Variants in SLF1 observed in about 807,000 individuals in gnomAD.
SLF1 encodes the protein SMC5/6 complex localization factor 1, also known as SMC5-SMC6 complex localization factor protein 1.
SLF1 carries 105 observed loss-of-function variants against 123.0 expected under a neutral mutation model. The ratio of observed to expected loss-of-function variants is 0.85; its 90% CI spans 0.73 to 1.00. The LOEUF (loss-of-function observed/expected upper bound fraction) is 1.00, where lower values mean the gene tolerates loss of function less well. Ranked by LOEUF, SLF1 falls within the 50% of genes least tolerant of loss-of-function variation. The probability of loss-of-function intolerance (pLI) is 0.00; values close to 1 mark genes in which losing one functional copy is unlikely to be tolerated. For synonymous variants in SLF1, 434 were observed against 406.6 expected, an observed-to-expected ratio of 1.07 and a Z score of -0.81; for missense variants, 1,239 against 1,223.0, an observed-to-expected ratio of 1.01 and a Z score of -0.20.
At chr5:94,672,250 A>T (rs1750551017) in intron 14 of SLF1, among the ~76,000 whole-genome samples, 1 of 152,092 alleles carries the variant, frequency 6.6e-6, no homozygotes. Context: ...TAAGCATAGT[A>T]GTTAGGGTGG....
intron 14 of SLF1, among the ~76,000 whole-genome samples, chr5:94,676,731 CCTGA>C (rs1751113130): frequency 6.6e-6 from 1 of 152,218 alleles, no homozygotes; most frequent in African/African-American, 2.4e-5. Flanking sequence ...TGCTACTGGT[CCTGA>C]CTGTGTTTTC....
intron 5 of SLF1, among the ~76,000 whole-genome samples, chr5:94,647,835 A>G (rs1747240534): frequency 6.6e-6 from 1 of 152,236 alleles, no homozygotes; most frequent in Non-Finnish European, 1.5e-5. Flanking sequence ...CAAATGTTAT[A>G]CCTTCTGTAT....
intron 1 of SLF1, among the ~76,000 whole-genome samples, chr5:94,623,743 A>G (rs980445226): frequency 6.6e-6 from 1 of 152,122 alleles, no homozygotes; most frequent in African/African-American, 2.4e-5. Flanking sequence ...GGTTATTGAT[A>G]TATGTTAAAC....
chr5:94,671,167 T>A (rs1348658348), intron 14 of SLF1, among the ~76,000 whole-genome samples, 159 bp downstream of exon 14: 1 of 151,816 alleles, frequency 6.6e-6, no homozygotes, highest in Admixed American at 6.6e-5. Context: ...AGGTAAAAGG[T>A]CCTTGGAGAC....
At chr5:94,633,016 G>A (rs978930884) in intron 4 of SLF1, among the ~76,000 whole-genome samples, 4 of 150,614 alleles carry the variant, frequency 2.7e-5, no homozygotes, top group African/African-American at 9.8e-5. Flanking sequence ...TTGAGGTAGC[G>A]TTTTGCTCTT....
intron 14 of SLF1, among the ~76,000 whole-genome samples, chr5:94,671,989 T>G (rs990590006): frequency 2.0e-5 from 3 of 152,106 alleles, no homozygotes; most frequent in Non-Finnish European, 4.4e-5. Flanking sequence ...TATCTGAAAT[T>G]TACTGAAGTT....
At chr5:94,659,363 GAGAA>G (rs1407507363) in intron 9 of SLF1, among the ~76,000 whole-genome samples, 80 of 152,074 alleles carry the variant, frequency 5.3e-4, no homozygotes, top group African/African-American at 1.8e-3. Flanking sequence ...TCTGTTGCTG[GAGAA>G]TTATTGTGTT....
intron 1 of SLF1, among the ~76,000 whole-genome samples, chr5:94,619,593 A>T (rs907095444): frequency 4.0e-5 from 6 of 149,458 alleles, no homozygotes; most frequent in Non-Finnish European, 7.5e-5. Context: ...TTTTTGACGA[A>T]TGACTTTATT....
intron 2 of SLF1, 49 bp downstream of exon 2, chr5:94,628,973 A>G (rs1320708583): frequency 7.0e-7 from 1 of 1,436,318 alleles, no homozygotes; most frequent in Non-Finnish European, 9.5e-7. Flanking sequence ...AATAACTACA[A>G]TTCAAATACT....
intron 4 of SLF1, among the ~76,000 whole-genome samples, chr5:94,632,773 T>C (rs1458409744): frequency 6.6e-6 from 1 of 152,148 alleles, no homozygotes; most frequent in East Asian, 1.9e-4. Flanking sequence ...CAATCTCGGC[T>C]CACTGGAAGC....
intron 15 of SLF1, among the ~76,000 whole-genome samples, chr5:94,685,756 A>G (rs1752341215): frequency 6.6e-6 from 1 of 151,058 alleles, no homozygotes; most frequent in South Asian, 2.1e-4. Flanking sequence ...AATCGCTTGA[A>G]CCTGGGAGGC....
intron 14 of SLF1, among the ~76,000 whole-genome samples, chr5:94,677,246 C>A (rs1417047540): frequency 2.6e-5 from 4 of 152,072 alleles, no homozygotes. Flanking sequence ...TTTAAAAACA[C>A]CTTTGATTTA....
In SLF1 at chr5:94,641,995, C is replaced by T. The variant is rs74698643; in HGVS notation, c.432-1278C>T. ...ATGTTTTTTGCTTCTATCCCTCATCCGGAAACAGTGGGTATTTTTCCCAGG... is the reference window on the plus strand; with the variant it reads ...ATGTTTTTTGCTTCTATCCCTCATCTGGAAACAGTGGGTATTTTTCCCAGG... On this transcript the variant is annotated intron_variant, in intron 4 of 20. Coordinates refer to ENST00000265140, the MANE Select transcript of SLF1 (RefSeq NM_032290.4). 3.8e-3 allele frequency among the ~76,000 whole-genome samples: 574 copies of T among 152,080 alleles called. 3 individuals carry two copies. The highest frequency in any genetic ancestry group is 0.013 in the African/African-American group (542 of 41,350).
chr5:94,662,404 T>TTTA, intron 10 of SLF1, 53 bp downstream of exon 10: 1 of 1,394,052 alleles, frequency 7.2e-7, no homozygotes, highest in African/African-American at 1.5e-5. Flanking sequence ...AGTTTTGTGT[T>TTTA]TTGTTATTAG....
intron 1 of SLF1, among the ~76,000 whole-genome samples, chr5:94,624,754 G>C (rs1009303933): frequency 6.6e-6 from 1 of 151,712 alleles, no homozygotes; most frequent in Admixed American, 6.6e-5. Context: ...TCAATTTTTA[G>C]AATAGGCAAG....
chr5:94,631,490 C>G (rs1196989082), intron 4 of SLF1, among the ~76,000 whole-genome samples: 3 of 152,086 alleles, frequency 2.0e-5, no homozygotes, highest in African/African-American at 7.2e-5. Context: ...TTAAGAGGTC[C>G]TTATGAATGG....
At chr5:94,645,883 A>C (rs1308228125) in intron 5 of SLF1, among the ~76,000 whole-genome samples, 1 of 152,186 alleles carries the variant, frequency 6.6e-6, no homozygotes, top group African/African-American at 2.4e-5. Flanking sequence ...GCTTTTCTTC[A>C]GTGTAGATCA....
chr5:94,625,137 G>C (rs991005429), intron 1 of SLF1, among the ~76,000 whole-genome samples: 1 of 150,486 alleles, frequency 6.6e-6, no homozygotes, highest in Non-Finnish European at 1.5e-5. Flanking sequence ...AGCTTGCAGT[G>C]AGCTGAGATT....
At chr5:94,689,907 A>G (rs1176889012) in intron 18 of SLF1, among the ~76,000 whole-genome samples, 2 of 152,018 alleles carry the variant, frequency 1.3e-5, no homozygotes, top group Non-Finnish European at 2.9e-5. Context: ...TTACTTTTCT[A>G]TTCCATCTCA....
Sources: gnomAD v4.1 joint callset for allele counts (sites outside exome capture counted in the v4.1 genomes callset) on GRCh38, gnomAD v4.1.1 for gene constraint, MANE v1.5 for transcripts, NCBI Gene and HGNC (gene_info 2026-07-23, HGNC 2026-07-21) for gene names.